Variants in ZNF197 observed in about 807,000 individuals in gnomAD.
ZNF197 encodes VHL-associated KRAB-A domain-containing protein.
A neutral mutation model predicts 27.4 loss-of-function variants in ZNF197; 14 were observed. The observed-to-expected ratio is 0.51, with a 90% CI of 0.34 to 0.80. ZNF197 has a LOEUF of 0.80. Among genes scored for constraint, ZNF197 ranks in the 30% least tolerant of loss-of-function variants. ZNF197 has a pLI of 0.02. For missense variants in ZNF197, 1,090 were observed against 1,222.6 expected (o/e 0.89, Z 1.62); for synonymous variants, 415 against 420.0 (o/e 0.99, Z 0.15).
rs1448534423 is a variant in ZNF197, at chr3:44,642,914, G to A, written c.1784G>A (p.Gly595Asp). The change falls in exon 6 of 6, where the codon GGT becomes GAT. Residue 595 changes from glycine to aspartate, a missense_variant. By Grantham distance (94) the Gly-to-Asp change is moderately conservative (BLOSUM62 -1). Transcript: ENST00000344387. ...GTCCACACAGAAAAGAAAACCTTTG[G>A]TTGTAAAAAGTGTGGGAAGATTTTC... ...QRVHTEKKTF[G>D]CKKCGKIFSS... is the part of the protein sequence containing the mutation. 1.2e-6 allele frequency: 2 copies of A among 1,614,004 alleles called. No homozygotes were observed. The highest frequency in any genetic ancestry group is 1.7e-6 in the Non-Finnish European group (2 of 1,180,006).
At position 44,644,110 on chromosome 3, in the gene ZNF197, G is replaced by A. The variant is rs745578390; in HGVS notation, c.2980G>A (p.Glu994Lys). The A allele has an allele frequency of 1.9e-6, 3 of 1,613,916 alleles. No homozygotes were observed. In the African/African-American group the frequency reaches 4.0e-5, roughly 22 times the overall value. Reference sequence around the variant, plus strand: ...TTGTGAATGTGATGTGTCTGAAAAAGAATTCTCTCAGACTTCCAACCTTCA... The same window carrying A: ...TTGTGAATGTGATGTGTCTGAAAAAAAATTCTCTCAGACTTCCAACCTTCA... ...KPCECDVSEKEFSQTSNLHLQ... is the reference protein window; with the variant it reads ...KPCECDVSEKKFSQTSNLHLQ... The change falls in exon 6 of 6, where the codon GAA becomes AAA. Residue 994 changes from glutamate to lysine, a missense_variant. Glu to Lys is a moderately conservative substitution (Grantham distance 56). Transcript: ENST00000344387.
Position 44,644,115 on chromosome 3 carries a change from C to A in ZNF197, c.2985C>A (p.Phe995Leu). The A allele has an allele frequency of 6.2e-7, 1 of 1,614,090 alleles. No individual in the cohort carries two copies. The highest frequency in any genetic ancestry group is 8.5e-7 in the Non-Finnish European group (1 of 1,180,006). The change falls in exon 6 of 6, where the codon TTC (phenylalanine) becomes TTA (leucine). Residue 995 changes from phenylalanine (F) to leucine (L), a missense_variant. Coordinates refer to ENST00000344387, the MANE Select transcript of ZNF197 (RefSeq NM_006991.5). ...AATGTGATGTGTCTGAAAAAGAATT[C>A]TCTCAGACTTCCAACCTTCATCTTC... ...PCECDVSEKE[F>L]SQTSNLHLQQ...
rs1332470133 is a variant in ZNF197, at chr3:44,642,155, A to G, written c.1025A>G (p.Gln342Arg). 1 of 1,614,200 alleles carries G rather than the reference A, an allele frequency of 6.2e-7. No individual in the cohort carries two copies. The highest frequency in any genetic ancestry group is 1.1e-5 in the South Asian group (1 of 91,084). ...KKRTPPEKQG[Q>R]KWKELGDSLT... ...AGGACTCCACCAGAGAAACAAGGCC[A>G]AAAGTGGAAGGAATTAGGAGACAGC... The change falls in exon 6 of 6, where the codon CAA (glutamine) becomes CGA (arginine). Residue 342 changes from glutamine (Q) to arginine (R), a missense_variant. Gln to Arg is a conservative substitution (Grantham distance 43). Transcript: ENST00000344387.
Position 44,643,111 on chromosome 3 carries a change from C to G in ZNF197, c.1981C>G (p.Leu661Val). The G allele has an allele frequency of 3.1e-6, 5 of 1,611,878 alleles. No individual in the cohort carries two copies. The highest frequency in any genetic ancestry group is 4.2e-6 in the Non-Finnish European group (5 of 1,179,410). Residue 661 changes from leucine (L) to valine (V), a missense_variant, in exon 6 of 6, where the codon CTG (leucine) becomes GTG (valine). Coordinates refer to ENST00000344387, the MANE Select transcript of ZNF197 (RefSeq NM_006991.5). Reference sequence around the variant, plus strand: ...TAATGAATGTGGGAAAGTTTTTATTCTGAAGAAGAGCCTCATTTTACATCA... The same window carrying G: ...TAATGAATGTGGGAAAGTTTTTATTGTGAAGAAGAGCCTCATTTTACATCA... ...ECNECGKVFI[L>V]KKSLILHQRF...
Position 44,646,096 on chromosome 3 carries a change from T to G in ZNF197, c.*1876T>G. On this transcript the variant is annotated 3_prime_UTR_variant, in exon 6 of 6. Transcript: ENST00000344387. ...CATTAGAGTGAAAGGTAGCCAAGAGTGAAAACTGGAAGGGGCCTAAGGCTT... is the reference window on the plus strand; with the variant it reads ...CATTAGAGTGAAAGGTAGCCAAGAGGGAAAACTGGAAGGGGCCTAAGGCTT... The G allele has an allele frequency of 1.0e-6, 1 of 985,204 alleles. No individual in the cohort carries two copies. The allele number at this position is 985,204 out of a possible 1,614,324, so 61.0% of individuals were successfully genotyped here. A position where few individuals can be genotyped will look rare whatever the true frequency, so the allele number is the denominator to read the frequency against.
intron 1 of ZNF197, among the ~76,000 whole-genome samples, chr3:44,626,792 T>C (rs1701692852): frequency 6.6e-6 from 1 of 152,136 alleles, no homozygotes; most frequent in Admixed American, 6.5e-5. Flanking sequence ...AAATTATACA[T>C]GTATATACCT....
rs373205944 is a variant in ZNF197 at position 44,646,551 on chromosome 3, C to T, written c.*2331C>T. 8.2e-7 allele frequency: 1 copy of T among 1,219,598 alleles called. No individual in the cohort carries two copies. The highest frequency in any genetic ancestry group is 1.2e-5 in the South Asian group (1 of 83,108). 75.5% of individuals were successfully genotyped at this position (1,219,598 alleles called of 1,614,324 possible). A position where few individuals can be genotyped will look rare whatever the true frequency, so the allele number is the denominator to read the frequency against. ...AAGACACCACGAGAAACAGACACAT[C>T]CAGAACGTGGAATATTGCATAAGAA... On this transcript the variant is annotated 3_prime_UTR_variant, in exon 6 of 6. Coordinates refer to ENST00000344387, the MANE Select transcript of ZNF197 (RefSeq NM_006991.5).
chr3:44,632,287 G>C, intron 4 of ZNF197, 91 bp downstream of exon 4: 1 of 1,535,014 alleles, frequency 6.5e-7, no homozygotes, highest in East Asian at 2.3e-5. Context: ...TGTCCAGTCA[G>C]TTCCCATTTC....
At chr3:44,626,647 A>G (rs779250319) in intron 1 of ZNF197, among the ~76,000 whole-genome samples, 3 of 152,248 alleles carry the variant, frequency 2.0e-5, no homozygotes, top group African/African-American at 2.4e-5. Flanking sequence ...ATGCAAGTCA[A>G]AAATTTGGCG....
chr3:44,642,692 TGAA>T lies in ZNF197; in HGVS notation c.1568_1570del (p.Lys523del). The T allele has an allele frequency of 6.2e-7, 1 of 1,613,990 alleles. No homozygotes were observed. The highest frequency in any genetic ancestry group is 8.5e-7 in the Non-Finnish European group (1 of 1,179,998). ...AATAAGTGTCAGAAAGCTTTCATTCTGAAGAAGAGCCTCATTCTGCACCAGAGA... is the reference window on the plus strand; with the variant it reads ...AATAAGTGTCAGAAAGCTTTCATTCTGAAGAGCCTCATTCTGCACCAGAGA... On this transcript the variant is annotated inframe_deletion, in exon 6 of 6. Transcript: ENST00000344387.
intron 1 of ZNF197, among the ~76,000 whole-genome samples, chr3:44,626,545 A>T (rs9814256): frequency 0.22 from 33,019 of 152,282 alleles, 3,730 homozygotes; most frequent in Middle Eastern, 0.4. Flanking sequence ...GTACAAATTA[A>T]CAAGACCCAA....
chr3:44,643,612 A>T lies in ZNF197; in HGVS notation c.2482A>T (p.Ser828Cys). 1.2e-6 allele frequency: 2 copies of T among 1,614,222 alleles called. No homozygotes were observed. Among genetic ancestry groups the T allele is most frequent in the Non-Finnish European group, 1.7e-6 (2 of 1,180,042 alleles). ...YKCNDCGKVF[S>C]YRSNLIAHQR... is the part of the protein sequence containing the mutation. ...ATGCAATGACTGTGGGAAGGTCTTC[A>T]GTTACCGCTCAAACCTTATAGCCCA... is the stretch of plus-strand genomic sequence containing the variant. The change falls in exon 6 of 6, where the codon AGT becomes TGT. Residue 828 changes from serine (S) to cysteine (C), a missense_variant. Ser to Cys is a moderately radical substitution (Grantham distance 112). Coordinates refer to ENST00000344387, the MANE Select transcript of ZNF197 (RefSeq NM_006991.5).
rs765540938 is a variant in ZNF197, at chr3:44,646,060, G to GAA, written c.*1840_*1841insAA. ...TAATTCAACCCCACAGTTTCTTGGG[G>GAA]GCTGGTTCCTCATTAGAGTGAAAGG... On this transcript the variant is annotated 3_prime_UTR_variant, in exon 6 of 6. Coordinates refer to ENST00000344387, the MANE Select transcript of ZNF197 (RefSeq NM_006991.5). 632 of 985,312 alleles carry GAA rather than the reference G, an allele frequency of 6.4e-4. 2 individuals carry two copies. The highest frequency in any genetic ancestry group is 7.0e-4 in the Non-Finnish European group (580 of 829,914). 61.0% of individuals were successfully genotyped at this position (985,312 alleles called of 1,614,324 possible).
chr3:44,629,000 G>A, intron 1 of ZNF197, 74 bp from the exon 2 acceptor site: 1 of 1,117,750 alleles, frequency 8.9e-7, no homozygotes, highest in East Asian at 2.5e-5. Context: ...AGCTGACTGG[G>A]AGCTGACTGG....
At chr3:44,641,683 G>A (rs1410069127) in intron 5 of ZNF197, among the ~76,000 whole-genome samples, 1 of 152,162 alleles carries the variant, frequency 6.6e-6, no homozygotes, top group Admixed American at 6.5e-5. Flanking sequence ...TGAAGACAAA[G>A]CACTTAAAAA....
intron 5 of ZNF197, among the ~76,000 whole-genome samples, chr3:44,635,766 T>C (rs1049816831): frequency 6.6e-6 from 1 of 152,176 alleles, no homozygotes; most frequent in Admixed American, 6.5e-5. Context: ...CAATACAATT[T>C]GGCACATTCT....
In ZNF197 at chr3:44,629,211, G is replaced by A. The variant is rs762838734; in HGVS notation, c.57G>A (p.Gly19=). ...NALRQEGLVK[G]KDDTWKWGTS... is the part of the protein sequence containing the mutation. ...TGAGACAAGAGGGCCTTGTGAAGGG[G>A]AAGGATGATACCTGGAAATGGGGAA... The change falls in exon 2 of 6, where the codon GGG becomes GGA. Residue 19 remains glycine, a synonymous_variant. Transcript: ENST00000344387. 16 of 1,614,030 alleles carry A rather than the reference G, an allele frequency of 9.9e-6. No homozygotes were observed. In the African/African-American group the frequency reaches 1.3e-4, roughly 13 times the overall value.
At chr3:44,637,408 A>G (rs537078025) in intron 5 of ZNF197, among the ~76,000 whole-genome samples, 16 of 152,296 alleles carry the variant, frequency 1.1e-4, no homozygotes, top group South Asian at 2.1e-4. Context: ...CATTACAGGC[A>G]TGAGCCACTG....
intron 2 of ZNF197, 109 bp downstream of exon 2, chr3:44,629,653 T>C: frequency 2.3e-6 from 3 of 1,311,490 alleles, no homozygotes; most frequent in Non-Finnish European, 3.1e-6. Context: ...ATAGCATTAA[T>C]AGCACACTAG....
Sources: gnomAD v4.1 joint callset for allele counts (sites outside exome capture counted in the v4.1 genomes callset) on GRCh38, gnomAD v4.1.1 for gene constraint, MANE v1.5 for transcripts, NCBI Gene and HGNC (gene_info 2026-07-23, HGNC 2026-07-21) for gene names.